The following PRDM5 variants were observed in gnomAD, a reference collection of about 807,000 sequenced individuals.
PRDM5 encodes the protein PR domain zinc finger protein 5.
PRDM5 carries 56 observed loss-of-function variants against 81.2 expected under a neutral mutation model. That is an observed-to-expected ratio of 0.69 (90% CI 0.56 to 0.86). The LOEUF (loss-of-function observed/expected upper bound fraction) is 0.86, where lower values mean the gene tolerates loss of function less well. Among genes scored for constraint, PRDM5 ranks in the 40% least tolerant of loss-of-function variants. The pLI, the probability that PRDM5 is intolerant of heterozygous loss-of-function variation, is 0.00. For synonymous variants in PRDM5, 267 were observed against 256.4 expected (o/e 1.04, Z -0.39); for missense variants, 697 against 770.1 (o/e 0.91, Z 1.12).
At chr4:120,871,246 C>T (rs1277667491) in intron 2 of PRDM5, among the ~76,000 whole-genome samples, 4 of 152,186 alleles carry the variant, frequency 2.6e-5, no homozygotes, top group South Asian at 2.1e-4. Context: ...AAGCCTTCAC[C>T]GTCTTCCACA....
At chr4:120,722,073 C>T (rs371310324) in intron 14 of PRDM5, among the ~76,000 whole-genome samples, 65 of 152,100 alleles carry the variant, frequency 4.3e-4, no homozygotes, top group African/African-American at 1.5e-3. Flanking sequence ...AAGGGAGAGC[C>T]GGCTACGCAG....
chr4:120,834,541 C>A (rs149773049), intron 3 of PRDM5, among the ~76,000 whole-genome samples: 1 of 152,140 alleles, frequency 6.6e-6, no homozygotes. Context: ...AGCTACCCAG[C>A]ATCATCTATT....
At chr4:120,892,229 T>C (rs958486458) in intron 2 of PRDM5, among the ~76,000 whole-genome samples, 1 of 152,170 alleles carries the variant, frequency 6.6e-6, no homozygotes, top group East Asian at 1.9e-4. Flanking sequence ...AGGATTGTTT[T>C]ATGCCTATGT....
chr4:120,855,096 A>C (rs951557020), intron 2 of PRDM5, among the ~76,000 whole-genome samples: 5 of 152,156 alleles, frequency 3.3e-5, no homozygotes, highest in African/African-American at 1.2e-4. Flanking sequence ...TTACCCAAAA[A>C]ACATTTTAAA....
At chr4:120,913,131 T>C (rs1389614328) in intron 1 of PRDM5, among the ~76,000 whole-genome samples, 3 of 152,334 alleles carry the variant, frequency 2.0e-5, no homozygotes, top group South Asian at 4.1e-4. Context: ...TAAAATACTA[T>C]ATTTATCTCG....
chr4:120,810,060 A>C (rs1432871291), intron 8 of PRDM5, among the ~76,000 whole-genome samples: 1 of 152,124 alleles, frequency 6.6e-6, no homozygotes, highest in Non-Finnish European at 1.5e-5. Flanking sequence ...TATACATTTT[A>C]ATGTAATAAT....
downstream of PRDM5, among the ~76,000 whole-genome samples, chr4:120,689,961 C>T (rs1205842390): frequency 1.3e-5 from 2 of 152,094 alleles, no homozygotes; most frequent in Admixed American, 6.6e-5. Context: ...AAGGACCCAT[C>T]AGTTTGCCAA....
At chr4:120,884,115 T>C (rs1228081487) in intron 2 of PRDM5, among the ~76,000 whole-genome samples, 2 of 152,138 alleles carry the variant, frequency 1.3e-5, no homozygotes, top group Admixed American at 1.3e-4. Flanking sequence ...ATATTACTAC[T>C]GCATATATTG....
In PRDM5 at chr4:120,816,904, T is replaced by C. The variant is rs1029844685; in HGVS notation, c.671A>G (p.Lys224Arg). The C allele has an allele frequency of 2.5e-6, 4 of 1,613,118 alleles. No homozygotes were observed. Among genetic ancestry groups the C allele is most frequent in the Non-Finnish European group, 3.4e-6 (4 of 1,179,192 alleles). The change falls in exon 6 of 16, where the codon AAA (lysine) becomes AGA (arginine). Residue 224 changes from lysine (K) to arginine (R), a missense_variant. Physicochemically the swap from Lys to Arg is conservative, Grantham distance 26 (BLOSUM62 2). Transcript: ENST00000264808. ...LQRHVLQCTA[K>R]SSLKESSRSF... ...TCGCGAAGACTCCTTTAGACTGCTT[T>C]TCGCTGTGCACTGAAGAACACTAAA...
intron 10 of PRDM5, among the ~76,000 whole-genome samples, chr4:120,797,790 T>C (rs1199723054): frequency 2.6e-5 from 4 of 152,130 alleles, no homozygotes; most frequent in African/African-American, 9.7e-5. Context: ...GTCATGGATG[T>C]AGTTGACATT....
At chr4:120,821,133 C>A in intron 4 of PRDM5, 38 bp downstream of exon 4, 1 of 1,601,746 alleles carries the variant, frequency 6.2e-7, no homozygotes, top group South Asian at 1.1e-5. Flanking sequence ...TTTTCTACAA[C>A]TTTTCTTCTC....
intron 14 of PRDM5, among the ~76,000 whole-genome samples, chr4:120,740,733 T>C (rs536592748): frequency 8.5e-5 from 13 of 152,330 alleles, no homozygotes; most frequent in Admixed American, 2.6e-4. Context: ...CCTCCCTGAC[T>C]CAAGTGCTAC....
chr4:120,886,540 G>C (rs1039465688), intron 2 of PRDM5, among the ~76,000 whole-genome samples: 1 of 152,116 alleles, frequency 6.6e-6, no homozygotes, highest in Non-Finnish European at 1.5e-5. Flanking sequence ...TCTCTATAAA[G>C]TAGGCAAGGC....
At chr4:120,918,755 A>G (rs185589032) in intron 1 of PRDM5, among the ~76,000 whole-genome samples, 1 of 151,480 alleles carries the variant, frequency 6.6e-6, no homozygotes, top group East Asian at 2.0e-4. Flanking sequence ...GACACTGTGG[A>G]AGGCATAGGA....
At chr4:120,806,032 C>A (rs1294166547) in intron 8 of PRDM5, among the ~76,000 whole-genome samples, 1 of 152,128 alleles carries the variant, frequency 6.6e-6, no homozygotes, top group African/African-American at 2.4e-5. Flanking sequence ...GCAAAAATCA[C>A]AAGCATTCTT....
intron 2 of PRDM5, among the ~76,000 whole-genome samples, chr4:120,859,359 A>G (rs1209290793): frequency 6.6e-6 from 1 of 152,002 alleles, no homozygotes; most frequent in Admixed American, 6.6e-5. Context: ...GACTGGGACT[A>G]CAGGTGCATG....
chr4:120,803,471 C>A (rs1290706487), intron 8 of PRDM5, among the ~76,000 whole-genome samples: 2 of 152,104 alleles, frequency 1.3e-5, no homozygotes, highest in Non-Finnish European at 2.9e-5. Context: ...GTCGGGTTAC[C>A]CAGAAAGGAA....
chr4:120,915,980 C>A (rs1724105705), intron 1 of PRDM5, among the ~76,000 whole-genome samples: 1 of 152,096 alleles, frequency 6.6e-6, no homozygotes, highest in Admixed American at 6.5e-5. Context: ...AAGAGCAGGG[C>A]AGAAGGGCAG....
At chr4:120,703,214 GTC>G (rs1185070610) in intron 15 of PRDM5, among the ~76,000 whole-genome samples, 1 of 151,974 alleles carries the variant, frequency 6.6e-6, no homozygotes, top group African/African-American at 2.4e-5. Context: ...GAGACACGGT[GTC>G]TCTCTGTCAC....
Sources: allele counts gnomAD v4.1 joint callset (sites outside exome capture counted in the v4.1 genomes callset), GRCh38; gene constraint gnomAD v4.1.1; transcripts MANE v1.5; gene names NCBI Gene and HGNC (gene_info 2026-07-23, HGNC 2026-07-21).